The following C12orf54 variants were observed in gnomAD, a reference collection of about 807,000 sequenced individuals.
The protein encoded by C12orf54 is chromosome 12 open reading frame 54.
A neutral mutation model predicts 26.4 loss-of-function variants in C12orf54; 24 were observed. The ratio of observed to expected loss-of-function variants is 0.91; its 90% confidence interval spans 0.66 to 1.28. The LOEUF (loss-of-function observed/expected upper bound fraction) is 1.28, where lower values mean the gene tolerates loss of function less well. Among genes scored for constraint, C12orf54 ranks in the 50% most tolerant of loss-of-function variants. The probability of loss-of-function intolerance (pLI) is 0.00; values close to 1 mark genes in which losing one functional copy is unlikely to be tolerated. For synonymous variants in C12orf54, 54 were observed against 47.0 expected (o/e 1.15, Z -0.61); for missense variants, 154 against 150.9 (o/e 1.02, Z -0.11).
chr12:48,427,029 C>T, the C12orf54 span, among the ~76,000 whole-genome samples: 1 of 151,986 alleles, frequency 6.6e-6, no homozygotes, highest in Non-Finnish European at 1.5e-5. Flanking sequence ...CTACAAACAG[C>T]GATAGTTTGA....
the C12orf54 span, among the ~76,000 whole-genome samples, chr12:48,457,285 TG>T: frequency 0.057 from 4,767 of 83,830 alleles, 87 homozygotes; most frequent in Non-Finnish European, 0.097. Flanking sequence ...TTGTTGTTGT[TG>T]GTGGTGGTGG....
chr12:48,416,926 G>A, the C12orf54 span, among the ~76,000 whole-genome samples: 28 of 152,148 alleles, frequency 1.8e-4, no homozygotes, highest in African/African-American at 6.7e-4. Flanking sequence ...GTTGCCATGA[G>A]ATGGGTGTCT....
intron 2 of C12orf54, among the ~76,000 whole-genome samples, chr12:48,485,281 GGTTTT>G (rs111417930): frequency 0.25 from 38,155 of 151,008 alleles, 6,419 homozygotes; most frequent in African/African-American, 0.48. Context: ...GTTTGTTGTT[GGTTTT>G]GTTTTGTTTT....
At chr12:48,448,371 G>A in the C12orf54 span, among the ~76,000 whole-genome samples, 5 of 152,222 alleles carry the variant, frequency 3.3e-5, no homozygotes, top group East Asian at 7.7e-4. Context: ...CTTGTTATAT[G>A]TGACATTCTG....
At chr12:48,455,744 T>A in the C12orf54 span, among the ~76,000 whole-genome samples, 1 of 152,228 alleles carries the variant, frequency 6.6e-6, no homozygotes, top group Non-Finnish European at 1.5e-5. Flanking sequence ...CCCCCTGCAC[T>A]GTGTAAAATT....
At chr12:48,462,422 G>T in the C12orf54 span, among the ~76,000 whole-genome samples, 1 of 151,156 alleles carries the variant, frequency 6.6e-6, no homozygotes, top group Non-Finnish European at 1.5e-5. Context: ...GCCAAAAATC[G>T]GACTATGACA....
the C12orf54 span, among the ~76,000 whole-genome samples, chr12:48,454,814 G>A: frequency 6.6e-6 from 1 of 152,200 alleles, no homozygotes; most frequent in Non-Finnish European, 1.5e-5. Context: ...TGTAAGTCTA[G>A]GGAAGGCATT....
At chr12:48,439,508 A>G in the C12orf54 span, among the ~76,000 whole-genome samples, 13 of 152,350 alleles carry the variant, frequency 8.5e-5, no homozygotes, top group East Asian at 2.3e-3. Context: ...CAAATGTCCA[A>G]CAATGATAGA....
the C12orf54 span, among the ~76,000 whole-genome samples, chr12:48,443,731 T>C: frequency 6.7e-6 from 1 of 148,424 alleles, no homozygotes; most frequent in African/African-American, 2.4e-5. Flanking sequence ...AACCCTAAAG[T>C]GTGGTCTTCT....
the C12orf54 span, among the ~76,000 whole-genome samples, chr12:48,423,471 G>A: frequency 2.8e-3 from 423 of 152,126 alleles, 1 homozygote; most frequent in Non-Finnish European, 4.6e-3. Flanking sequence ...GTGTAAACCA[G>A]ATGGTTCGCA....
chr12:48,483,312 T>G lies in C12orf54; in HGVS notation c.16T>G (p.Cys6Gly), dbSNP rs1159289236. The change falls in exon 2 of 9, where the codon TGC (cysteine) becomes GGC (glycine). Residue 6 changes from cysteine (C) to glycine (G), a missense_variant. Physicochemically the swap from Cys to Gly is radical, Grantham distance 159. Transcript: ENST00000548364. MAQHP[C>G]QDQEQKVEMT... ...CTGAGAACAAATGGCACAGCATCCC[T>G]GCCAGGATCAGGAACAAAAGGTAGA... The G allele has an allele frequency of 1.2e-6, 2 of 1,613,864 alleles. No homozygotes were observed. Among genetic ancestry groups the G allele is most frequent in the Admixed American group, 3.3e-5 (2 of 59,980 alleles).
intron 2 of C12orf54, among the ~76,000 whole-genome samples, chr12:48,485,751 G>A (rs1389235212): frequency 3.3e-5 from 5 of 152,220 alleles, no homozygotes; most frequent in Admixed American, 1.3e-4. Flanking sequence ...CAGAAGTCAC[G>A]AAGGAAAAGA....
intron 5 of C12orf54, among the ~76,000 whole-genome samples, chr12:48,489,725 A>AT (rs34855520): frequency 0.014 from 1,923 of 138,810 alleles, 23 homozygotes; most frequent in African/African-American, 0.036. Flanking sequence ...CCTAAGAAGG[A>AT]TTTTTTTTTT....
chr12:48,456,543 A>T, the C12orf54 span, among the ~76,000 whole-genome samples: 1 of 152,188 alleles, frequency 6.6e-6, no homozygotes, highest in Admixed American at 6.5e-5. Context: ...GGAGCCAAAG[A>T]GGGTTAAATT....
chr12:48,454,101 T>G, the C12orf54 span, among the ~76,000 whole-genome samples: 20 of 107,660 alleles, frequency 1.9e-4, no homozygotes, highest in South Asian at 4.0e-4. Context: ...TGTTTGTTTT[T>G]TTTTTTTTTT....
the C12orf54 span, among the ~76,000 whole-genome samples, chr12:48,437,068 T>C: frequency 6.6e-6 from 1 of 151,932 alleles, no homozygotes; most frequent in South Asian, 2.1e-4. Flanking sequence ...ACAAAGGGGA[T>C]ATCACCACCG....
the C12orf54 span, among the ~76,000 whole-genome samples, chr12:48,451,035 G>A: frequency 1.3e-5 from 2 of 151,748 alleles, no homozygotes; most frequent in South Asian, 2.1e-4. Context: ...AAAAGAGAGA[G>A]AAAACTTCAG....
At chr12:48,428,063 T>G in the C12orf54 span, among the ~76,000 whole-genome samples, 1 of 152,126 alleles carries the variant, frequency 6.6e-6, no homozygotes, top group Non-Finnish European at 1.5e-5. Context: ...CACCTGCTCC[T>G]GAGTGATCAT....
the C12orf54 span, among the ~76,000 whole-genome samples, chr12:48,426,570 C>T: frequency 6.6e-6 from 1 of 152,008 alleles, no homozygotes; most frequent in Admixed American, 6.6e-5. Flanking sequence ...TGTTTGGGCT[C>T]ATTTTGGTTC....
Sources: gnomAD v4.1 joint callset for allele counts (sites outside exome capture counted in the v4.1 genomes callset) on GRCh38, gnomAD v4.1.1 for gene constraint, MANE v1.5 for transcripts, NCBI Gene and HGNC (gene_info 2026-07-23, HGNC 2026-07-21) for gene names.